LSAMP: variants seen among roughly 807,000 people sequenced by gnomAD.
LSAMP encodes limbic system-associated membrane protein.
Under a neutral mutation model 38.6 loss-of-function variants are expected in LSAMP, and 7 were observed. That is an observed-to-expected ratio of 0.18 (90% CI 0.10 to 0.34). The LOEUF (loss-of-function observed/expected upper bound fraction) is 0.34, where lower values mean the gene tolerates loss of function less well. Ranked by LOEUF, LSAMP falls within the 10% of genes least tolerant of loss-of-function variation. The probability of loss-of-function intolerance (pLI) is 1.00; values close to 1 mark genes in which losing one functional copy is unlikely to be tolerated. For missense variants in LSAMP, 313 were observed against 420.0 expected, an observed-to-expected ratio of 0.75 and a Z score of 2.23; for synonymous variants, 154 against 166.8, an observed-to-expected ratio of 0.92 and a Z score of 0.59.
At chr3:116,144,897 A>G (rs1009285416) in intron 1 of LSAMP, among the ~76,000 whole-genome samples, 15 of 151,952 alleles carry the variant, frequency 9.9e-5, no homozygotes, top group Non-Finnish European at 1.3e-4. Flanking sequence ...CTAATTATGT[A>G]AAATAATATA....
intron 1 of LSAMP, among the ~76,000 whole-genome samples, chr3:116,272,928 C>T (rs1008432113): frequency 1.3e-5 from 2 of 152,144 alleles, no homozygotes; most frequent in South Asian, 2.1e-4. Flanking sequence ...GCATAAATAA[C>T]CTTTCAGAGT....
chr3:116,257,869 T>C (rs554393506), intron 1 of LSAMP, among the ~76,000 whole-genome samples: 7 of 152,258 alleles, frequency 4.6e-5, no homozygotes, highest in African/African-American at 1.7e-4. Flanking sequence ...ACTTCCGTTA[T>C]TGAAATTTTA....
intron 3 of LSAMP, among the ~76,000 whole-genome samples, chr3:115,986,480 T>C (rs1283317288): frequency 6.6e-6 from 1 of 152,056 alleles, no homozygotes; most frequent in Non-Finnish European, 1.5e-5. Context: ...GGGAAAAACA[T>C]ATGCTTTTTG....
At chr3:116,009,669 G>A (rs921737046) in intron 3 of LSAMP, among the ~76,000 whole-genome samples, 1 of 152,018 alleles carries the variant, frequency 6.6e-6, no homozygotes, top group African/African-American at 2.4e-5. Flanking sequence ...CCACCAGAAG[G>A]GTTTTATAGT....
chr3:116,226,934 G>A (rs1358207765), intron 1 of LSAMP, among the ~76,000 whole-genome samples: 2 of 152,140 alleles, frequency 1.3e-5, no homozygotes, highest in Non-Finnish European at 2.9e-5. Context: ...CAAGGTGAAA[G>A]CTGGGAATTT....
At chr3:116,342,834 G>T (rs2048014751) in intron 1 of LSAMP, among the ~76,000 whole-genome samples, 1 of 152,090 alleles carries the variant, frequency 6.6e-6, no homozygotes, top group Admixed American at 6.6e-5. Flanking sequence ...AGATGCAAGA[G>T]AAATACAACT....
intron 1 of LSAMP, among the ~76,000 whole-genome samples, chr3:116,408,022 T>A (rs924312209): frequency 6.6e-6 from 1 of 152,036 alleles, no homozygotes; most frequent in Non-Finnish European, 1.5e-5. Flanking sequence ...CTTGAGGTAA[T>A]CATCACACAA....
intron 2 of LSAMP, among the ~76,000 whole-genome samples, chr3:116,068,715 T>C (rs1390839941): frequency 1.3e-5 from 2 of 152,248 alleles, no homozygotes; most frequent in Non-Finnish European, 2.9e-5. Flanking sequence ...CAACATTCTA[T>C]ATATGATTGC....
chr3:116,104,561 TC>T (rs1708419440), intron 1 of LSAMP, among the ~76,000 whole-genome samples: 1 of 152,158 alleles, frequency 6.6e-6, no homozygotes, highest in South Asian at 2.1e-4. Context: ...ACTGACCCTT[TC>T]TATTATATCA....
intron 2 of LSAMP, among the ~76,000 whole-genome samples, chr3:116,054,757 T>A (rs1465628376): frequency 1.3e-5 from 2 of 152,218 alleles, no homozygotes; most frequent in Non-Finnish European, 2.9e-5. Flanking sequence ...CATTTTTCTA[T>A]CCTTGACTGA....
rs116131245 is a variant in LSAMP at position 116,256,394 on chromosome 3, G to A, written c.156-169838C>T. On this transcript the variant is annotated intron_variant, in intron 1 of 6. Coordinates refer to ENST00000490035, the MANE Select transcript of LSAMP (RefSeq NM_002338.5). ...TTACAAAATACTGAAGAAAACACTG[G>A]TTTTCCTCCCCCTACTCAGGAAAAA... 5.3e-3 allele frequency among the ~76,000 whole-genome samples: 814 copies of A among 152,160 alleles called. 1 individual carries two copies. The highest frequency in any genetic ancestry group is 0.019 in the African/African-American group (782 of 41,500).
chr3:115,854,504 G>A (rs115749391), intron 3 of LSAMP, among the ~76,000 whole-genome samples: 2,138 of 151,842 alleles, frequency 0.014, 43 homozygotes, highest in African/African-American at 0.049. Flanking sequence ...AGATGGTCTC[G>A]ATCTCCTAAA....
chr3:116,437,236 T>C (rs2049365379), intron 1 of LSAMP, among the ~76,000 whole-genome samples: 1 of 151,786 alleles, frequency 6.6e-6, no homozygotes, highest in African/African-American at 2.4e-5. Context: ...ATAAGAATGA[T>C]ACAATAGACT....
intron 1 of LSAMP, among the ~76,000 whole-genome samples, chr3:116,203,393 ATTTATTTT>A (rs1386579931): frequency 6.7e-6 from 1 of 150,026 alleles, no homozygotes; most frequent in African/African-American, 2.4e-5. Flanking sequence ...CTTTTTATTT[ATTTATTTT>A]TTATTTTTTT....
At chr3:116,157,215 G>C (rs148002783) in intron 1 of LSAMP, among the ~76,000 whole-genome samples, 88 of 152,168 alleles carry the variant, frequency 5.8e-4, no homozygotes, top group African/African-American at 1.9e-3. Context: ...TTCAAGCAGG[G>C]AGGGGAAGCT....
chr3:116,176,487 A>G (rs1223762393), intron 1 of LSAMP, among the ~76,000 whole-genome samples: 1 of 152,152 alleles, frequency 6.6e-6, no homozygotes, highest in African/African-American at 2.4e-5. Context: ...TTGTCAAAGT[A>G]GTGAAAGGAT....
At chr3:116,196,242 T>A (rs1331753599) in intron 1 of LSAMP, among the ~76,000 whole-genome samples, 2 of 152,186 alleles carry the variant, frequency 1.3e-5, no homozygotes, top group Non-Finnish European at 2.9e-5. Flanking sequence ...TAATCCTCAT[T>A]TAGAGTGATG....
chr3:115,870,435 C>T (rs1375405942), intron 3 of LSAMP, among the ~76,000 whole-genome samples: 2 of 152,092 alleles, frequency 1.3e-5, no homozygotes, highest in African/African-American at 4.8e-5. Flanking sequence ...ATATCAGTAC[C>T]TGTCAGTACA....
At chr3:115,901,964 A>G (rs1015538576) in intron 3 of LSAMP, among the ~76,000 whole-genome samples, 1 of 152,070 alleles carries the variant, frequency 6.6e-6, no homozygotes, top group Non-Finnish European at 1.5e-5. Flanking sequence ...CTAGCAATCA[A>G]TGATAAAATT....
Sources: gnomAD v4.1 joint callset for allele counts (sites outside exome capture counted in the v4.1 genomes callset) on GRCh38, gnomAD v4.1.1 for gene constraint, MANE v1.5 for transcripts, NCBI Gene and HGNC (gene_info 2026-07-23, HGNC 2026-07-21) for gene names.